KPNA5: variants seen among roughly 807,000 people sequenced by gnomAD.
The protein encoded by KPNA5 is importin subunit alpha-6.
Under a neutral mutation model 71.3 loss-of-function variants are expected in KPNA5, and 46 were observed. The observed-to-expected ratio is 0.65, with a 90% CI of 0.51 to 0.83. The LOEUF (loss-of-function observed/expected upper bound fraction) is 0.83. KPNA5 is among the 40% of genes least tolerant of loss of function. The pLI is 0.00. For missense variants in KPNA5, 547 were observed against 628.3 expected, an observed-to-expected ratio of 0.87 and a Z score of 1.38; for synonymous variants, 207 against 201.4, an observed-to-expected ratio of 1.03 and a Z score of -0.24.
At chr6:116,702,270 G>T (rs1429819771) in intron 6 of KPNA5, 120 bp downstream of exon 6, 3 of 1,012,612 alleles carry the variant, frequency 3.0e-6, no homozygotes, top group African/African-American at 3.3e-5. Flanking sequence ...GCATTAAATT[G>T]TAGTAGTGTT....
At chr6:116,710,380 G>A (rs1484394557) in intron 7 of KPNA5, among the ~76,000 whole-genome samples, 2 of 151,788 alleles carry the variant, frequency 1.3e-5, no homozygotes, top group African/African-American at 4.8e-5. Context: ...ATGAGGAAGT[G>A]TTCTCTTTTT....
intron 7 of KPNA5, among the ~76,000 whole-genome samples, chr6:116,714,656 CAT>C (rs1445229046): frequency 6.6e-6 from 1 of 152,194 alleles, no homozygotes; most frequent in Non-Finnish European, 1.5e-5. Flanking sequence ...AGGTTTTCAA[CAT>C]GTGTCTTGTT....
intron 7 of KPNA5, among the ~76,000 whole-genome samples, chr6:116,705,852 G>T (rs958132948): frequency 6.6e-6 from 1 of 152,110 alleles, no homozygotes; most frequent in Non-Finnish European, 1.5e-5. Context: ...CTCCAGCTGA[G>T]GAATTGAATA....
chr6:116,740,757 T>C lies in KPNA5; in HGVS notation c.*8434T>C, dbSNP rs966173151. ...GCTATCGCAAGAACAAAAAACCAAATGCCGCATCTTCTCACTCATAGGTGG... is the reference window on the plus strand; with the variant it reads ...GCTATCGCAAGAACAAAAAACCAAACGCCGCATCTTCTCACTCATAGGTGG... On this transcript the variant is annotated 3_prime_UTR_variant, in exon 14 of 14. Coordinates refer to ENST00000368564, the MANE Select transcript of KPNA5 (RefSeq NM_001366306.2). The C allele has an allele frequency of 4.7e-5, 7 of 148,898 alleles. No individual in the cohort carries two copies. The highest frequency in any genetic ancestry group is 3.5e-4 in the Admixed American group (5 of 14,490). The allele number at this position is 148,898 out of a possible 1,614,324, so 9.2% of individuals were successfully genotyped here. A position where few individuals can be genotyped will look rare whatever the true frequency, so the allele number is the denominator to read the frequency against.
chr6:116,712,156 G>C (rs1583429757), intron 7 of KPNA5, among the ~76,000 whole-genome samples: 1 of 152,080 alleles, frequency 6.6e-6, no homozygotes, highest in South Asian at 2.1e-4. Flanking sequence ...GGTCAGACTG[G>C]TCTCGAACTT....
In KPNA5 at chr6:116,733,778, T is replaced by C. The variant is rs1779576855; in HGVS notation, c.*1455T>C. On this transcript the variant is annotated 3_prime_UTR_variant, in exon 14 of 14. Transcript: ENST00000368564. ...ACTAAGGCAATTTTGATATGATTCA[T>C]GGTCTATTCTTTAAAAAAAGATTTC... is the stretch of plus-strand genomic sequence containing the variant. The C allele has an allele frequency of 1.3e-5, 2 of 151,714 alleles. No homozygotes were observed. Among genetic ancestry groups the C allele is most frequent in the South Asian group, 4.1e-4 (2 of 4,832 alleles). 9.4% of individuals were successfully genotyped at this position (151,714 alleles called of 1,614,324 possible). A position where few individuals can be genotyped will look rare whatever the true frequency, so the allele number is the denominator to read the frequency against.
intron 7 of KPNA5, among the ~76,000 whole-genome samples, chr6:116,706,487 C>T (rs796866482): frequency 5.3e-5 from 8 of 151,886 alleles, no homozygotes; most frequent in Admixed American, 2.6e-4. Flanking sequence ...GTCAGGAGTT[C>T]GAGACCAGCC....
chr6:116,692,719 A>T (rs1005760907), intron 4 of KPNA5, among the ~76,000 whole-genome samples: 5 of 151,934 alleles, frequency 3.3e-5, no homozygotes, highest in African/African-American at 1.2e-4. Context: ...TTTTATTTTT[A>T]TTTGTATTTA....
At chr6:116,699,776 T>C (rs1397799818) in intron 5 of KPNA5, among the ~76,000 whole-genome samples, 1 of 152,210 alleles carries the variant, frequency 6.6e-6, no homozygotes, top group Non-Finnish European at 1.5e-5. Context: ...TCTTGATACC[T>C]ATTATTTGGC....
chr6:116,716,738 T>C (rs545063518), intron 8 of KPNA5, among the ~76,000 whole-genome samples: 83 of 152,336 alleles, frequency 5.4e-4, no homozygotes, highest in African/African-American at 1.9e-3. Context: ...AGATGATTAA[T>C]TAATTCCCAG....
At chr6:116,701,893 A>G (rs1212624438) in intron 5 of KPNA5, 126 bp from the exon 6 acceptor site, 4 of 699,130 alleles carry the variant, frequency 5.7e-6, no homozygotes, top group African/African-American at 1.8e-5. Context: ...TGACTTCACA[A>G]TGAATCTTAA....
chr6:116,717,315 C>G (rs1435715899), intron 8 of KPNA5, among the ~76,000 whole-genome samples: 1 of 152,168 alleles, frequency 6.6e-6, no homozygotes, highest in Non-Finnish European at 1.5e-5. Flanking sequence ...TAGGAATCCC[C>G]CAGGGGTCCA....
chr6:116,715,841 G>A (rs1321975546), intron 7 of KPNA5, among the ~76,000 whole-genome samples: 2 of 152,018 alleles, frequency 1.3e-5, no homozygotes, highest in African/African-American at 4.8e-5. Flanking sequence ...GCTTGACCCA[G>A]GGGGCAGAGG....
intron 10 of KPNA5, 124 bp from the exon 11 acceptor site, chr6:116,725,627 G>C (rs751873687): frequency 9.3e-6 from 8 of 864,264 alleles, no homozygotes; most frequent in Non-Finnish European, 1.2e-5. Context: ...ACTTTGGGAG[G>C]AATTTCTCCT....
At chr6:116,682,592 C>A (rs1048486744) in intron 1 of KPNA5, among the ~76,000 whole-genome samples, 1 of 152,032 alleles carries the variant, frequency 6.6e-6, no homozygotes, top group African/African-American at 2.4e-5. Flanking sequence ...AATGAGGCGC[C>A]CAGCCCCATG....
chr6:116,684,453 C>T (rs901162653), intron 1 of KPNA5, among the ~76,000 whole-genome samples: 11 of 152,110 alleles, frequency 7.2e-5, no homozygotes, highest in African/African-American at 2.7e-4. Context: ...TTATTACAGG[C>T]ACTTTTATTT....
intron 13 of KPNA5, 87 bp downstream of exon 13, chr6:116,729,828 T>G: frequency 1.2e-6 from 1 of 832,694 alleles, no homozygotes; most frequent in Non-Finnish European, 1.7e-6. Context: ...ATTTTTTTGT[T>G]GTAAAAGCAG....
intron 8 of KPNA5, among the ~76,000 whole-genome samples, chr6:116,717,805 T>C (rs1778944601): frequency 1.3e-5 from 2 of 152,126 alleles, no homozygotes; most frequent in Admixed American, 1.3e-4. Context: ...CTCCTTACAC[T>C]TGGGAGGTGA....
rs1443743670 is a variant in KPNA5, at chr6:116,732,866, A to G, written c.*543A>G. ...TAAATTATACATATCACTGTGCTGTAGGTTATACTTTGCAAAAAATTGCAA... is the reference window on the plus strand; with the variant it reads ...TAAATTATACATATCACTGTGCTGTGGGTTATACTTTGCAAAAAATTGCAA... On this transcript the variant is annotated 3_prime_UTR_variant, in exon 14 of 14. Coordinates refer to ENST00000368564, the MANE Select transcript of KPNA5 (RefSeq NM_001366306.2). The G allele has an allele frequency of 6.6e-6, 1 of 151,986 alleles. No homozygotes were observed. The highest frequency in any genetic ancestry group is 2.4e-5 in the African/African-American group (1 of 41,452). 9.4% of individuals were successfully genotyped at this position (151,986 alleles called of 1,614,324 possible). A position where few individuals can be genotyped will look rare whatever the true frequency, so the allele number is the denominator to read the frequency against.
Sources: gnomAD v4.1 joint callset for allele counts (sites outside exome capture counted in the v4.1 genomes callset) on GRCh38, gnomAD v4.1.1 for gene constraint, MANE v1.5 for transcripts, NCBI Gene and HGNC (gene_info 2026-07-23, HGNC 2026-07-21) for gene names.